KIAA1217: variants seen among roughly 807,000 people sequenced by gnomAD.
KIAA1217 encodes the protein sickle tail protein homolog.
Under a neutral mutation model 163.9 loss-of-function variants are expected in KIAA1217, and 88 were observed. The ratio of observed to expected loss-of-function variants is 0.54; its 90% CI spans 0.45 to 0.64. The LOEUF (loss-of-function observed/expected upper bound fraction) is 0.64, where lower values mean the gene tolerates loss of function less well. KIAA1217 is among the 30% of genes least tolerant of loss of function. The pLI, the probability that KIAA1217 is intolerant of heterozygous loss-of-function variation, is 0.00. For synonymous variants in KIAA1217, 903 were observed against 923.1 expected (o/e 0.98, Z 0.39); for missense variants, 2,372 against 2,475.0 (o/e 0.96, Z 0.88).
chr10:24,503,433 A>G (rs1414966269), intron 9 of KIAA1217, among the ~76,000 whole-genome samples: 1 of 152,194 alleles, frequency 6.6e-6, no homozygotes, highest in Non-Finnish European at 1.5e-5. Flanking sequence ...AATGAAATGA[A>G]GTGTACGGGT....
rs567763684 is a variant in KIAA1217 at position 23,946,889 on chromosome 10, A to G, written c.-320-60336A>G. On this transcript the variant is annotated intron_variant, in intron 1 of 18. Coordinates refer to the KIAA1217 transcript ENST00000376462. ...AATCTCATCTTGAATTGTAGTTCCT[A>G]CAATCCCCACGTTTCGTGGGAGGGA... is the stretch of plus-strand genomic sequence containing the variant. Among the ~76,000 whole-genome samples, 211 of 152,268 alleles carry G rather than the reference A, an allele frequency of 1.4e-3. 1 individual carries two copies. Among genetic ancestry groups the G allele is most frequent in the African/African-American group, 4.9e-3 (205 of 41,554 alleles).
At chr10:23,816,747 G>A (rs11597719) in intron 1 of KIAA1217, among the ~76,000 whole-genome samples, 34,662 of 152,060 alleles carry the variant, frequency 0.23, 4,208 homozygotes, top group Middle Eastern at 0.3. Context: ...ATAATTGGAA[G>A]GGCAATTGGA....
chr10:24,323,417 G>C (rs1307642704), intron 2 of KIAA1217, among the ~76,000 whole-genome samples: 1 of 152,172 alleles, frequency 6.6e-6, no homozygotes, highest in Admixed American at 6.5e-5. Flanking sequence ...CAGTTCATTT[G>C]AGTAAGTCCT....
At chr10:23,863,593 A>T (rs993497252) in intron 1 of KIAA1217, among the ~76,000 whole-genome samples, 1 of 152,136 alleles carries the variant, frequency 6.6e-6, no homozygotes, top group Non-Finnish European at 1.5e-5. Flanking sequence ...AGGTGCTGAC[A>T]CCTTGATTTG....
At chr10:24,205,162 T>G (rs997653079), upstream of KIAA1217, among the ~76,000 whole-genome samples, 1 of 152,008 alleles carries the variant, frequency 6.6e-6, no homozygotes, top group Non-Finnish European at 1.5e-5. Flanking sequence ...GTTGAAAAAC[T>G]TACATAGGCC....
chr10:24,312,948 A>G (rs1332817004), intron 2 of KIAA1217, among the ~76,000 whole-genome samples: 1 of 152,150 alleles, frequency 6.6e-6, no homozygotes, highest in African/African-American at 2.4e-5. Flanking sequence ...CTTAAGAGGT[A>G]TTGGAAGGCC....
intron 1 of KIAA1217, among the ~76,000 whole-genome samples, chr10:23,954,574 A>C (rs1844476117): frequency 6.6e-6 from 1 of 151,692 alleles, no homozygotes; most frequent in Non-Finnish European, 1.5e-5. Flanking sequence ...CAAAAAAATG[A>C]AGGAAAGAAG....
At chr10:23,714,149 C>A (rs537235381) in intron 1 of KIAA1217, among the ~76,000 whole-genome samples, 24 of 152,210 alleles carry the variant, frequency 1.6e-4, no homozygotes, top group Non-Finnish European at 2.9e-4. Context: ...GTTGCTAAGA[C>A]CAACCTTCTA....
rs141258919 is a variant in KIAA1217 at position 24,209,225 on chromosome 10, C to T, written c.32C>T (p.Pro11Leu). 1.2e-6 allele frequency: 2 copies of T among 1,613,732 alleles called. No homozygotes were observed. Among genetic ancestry groups the T allele is most frequent in the African/African-American group, 2.7e-5 (2 of 74,832 alleles). ...GAAAATGAAAGCCAGAAATGTGAGC[C>T]GTGCCTTCCTTACTCAGCAGACAGA... MEENESQKCE[P>L]CLPYSADRRQ... Residue 11 changes from proline (P) to leucine (L), a missense_variant, in exon 1 of 21, where the codon CCG (proline) becomes CTG (leucine). By Grantham distance (98) the Pro-to-Leu change is moderately conservative. Coordinates refer to ENST00000376454, the MANE Select transcript of KIAA1217 (RefSeq NM_019590.5).
At chr10:23,836,679 C>A (rs1458744206) in intron 1 of KIAA1217, among the ~76,000 whole-genome samples, 1 of 151,906 alleles carries the variant, frequency 6.6e-6, no homozygotes, top group East Asian at 1.9e-4. Flanking sequence ...AATCCCAGCA[C>A]TTTGGGAAGC....
At chr10:23,934,355 G>A (rs954024195) in intron 1 of KIAA1217, among the ~76,000 whole-genome samples, 3 of 149,934 alleles carry the variant, frequency 2.0e-5, no homozygotes, top group African/African-American at 7.4e-5. Context: ...CAGGAGAGGG[G>A]AACAACACAC....
intron 2 of KIAA1217, among the ~76,000 whole-genome samples, chr10:24,338,760 CTTTA>C (rs1197767465): frequency 5.3e-5 from 8 of 151,808 alleles, no homozygotes; most frequent in African/African-American, 7.3e-5. Context: ...AGATTATTTC[CTTTA>C]TTTGTTTTTT....
chr10:24,329,484 T>C (rs980932960), intron 2 of KIAA1217, among the ~76,000 whole-genome samples: 46 of 152,192 alleles, frequency 3.0e-4, no homozygotes, highest in Non-Finnish European at 1.0e-4. Flanking sequence ...TCTTCAAATA[T>C]AAGTGCATCA....
intron 1 of KIAA1217, among the ~76,000 whole-genome samples, chr10:23,982,712 C>T (rs1293211491): frequency 3.3e-5 from 5 of 151,664 alleles, no homozygotes; most frequent in East Asian, 2.0e-4. Context: ...TACAGGCACC[C>T]GCCACCACAC....
chr10:24,128,909 C>T (rs1012736418), intron 2 of KIAA1217, among the ~76,000 whole-genome samples: 1 of 152,194 alleles, frequency 6.6e-6, no homozygotes, highest in Admixed American at 6.5e-5. Flanking sequence ...GTAGCCAAGG[C>T]CCTCAATGGC....
chr10:24,051,185 A>G (rs1018045427), intron 2 of KIAA1217, among the ~76,000 whole-genome samples: 2 of 152,172 alleles, frequency 1.3e-5, no homozygotes, highest in Non-Finnish European at 2.9e-5. Context: ...TTGATTTTCC[A>G]TTCCTGAGTT....
rs1218270207 is a variant in KIAA1217, at chr10:23,830,846, A to T, written c.-321+135612A>T. Among the ~76,000 whole-genome samples the T allele has an allele frequency of 2.6e-5, 4 of 151,802 alleles. No homozygotes were observed. In the South Asian group the frequency reaches 8.3e-4, roughly 32 times the overall value. ...TACACACACACACACACACACACAC[A>T]CACTCACTCACATATACCTGCTTAA... On this transcript the variant is annotated intron_variant, in intron 1 of 18. Coordinates refer to the KIAA1217 transcript ENST00000376462.
In KIAA1217 at chr10:24,455,092, G is replaced by A. The variant is rs549653646; in HGVS notation, c.846+16613G>A. Among the ~76,000 whole-genome samples, 32 of 152,270 alleles carry A rather than the reference G, an allele frequency of 2.1e-4. 1 individual carries two copies. In the South Asian group the frequency reaches 6.6e-3, roughly 32 times the overall value. ...ATGTTAATCTGACCATTTTAAGACT[G>A]AAATATGTTGTTTTAAAATGTTTCT... On this transcript the variant is annotated intron_variant, in intron 5 of 20. Coordinates refer to ENST00000376454, the MANE Select transcript of KIAA1217 (RefSeq NM_019590.5).
In KIAA1217 at chr10:24,301,339, G is replaced by A. The variant is rs572926138; in HGVS notation, c.355-79530G>A. Among the ~76,000 whole-genome samples, 14 of 152,226 alleles carry A rather than the reference G, an allele frequency of 9.2e-5. No homozygotes were observed. In the South Asian group the frequency reaches 2.5e-3, roughly 27 times the overall value. ...CCTAAAAATGCCTAGAAAATTATCC[G>A]AAGCATTTACTATTAAGGCTGATAA... On this transcript the variant is annotated intron_variant, in intron 2 of 20. Transcript: ENST00000376454.
Sources: gnomAD v4.1 joint callset for allele counts (sites outside exome capture counted in the v4.1 genomes callset) on GRCh38, gnomAD v4.1.1 for gene constraint, MANE v1.5 for transcripts, NCBI Gene and HGNC (gene_info 2026-07-23, HGNC 2026-07-21) for gene names.